Variants in TENM2 observed in about 807,000 individuals in gnomAD.
The protein encoded by TENM2 is teneurin transmembrane protein 2, also known as teneurin-2.
TENM2 carries 52 observed loss-of-function variants against 245.2 expected under a neutral mutation model. The ratio of observed to expected loss-of-function variants is 0.21; its 90% CI spans 0.17 to 0.27. The LOEUF (loss-of-function observed/expected upper bound fraction) is 0.27. Ranked by LOEUF, TENM2 falls within the 10% of genes least tolerant of loss-of-function variation. The pLI, the probability that TENM2 is intolerant of heterozygous loss-of-function variation, is 1.00. For synonymous variants in TENM2, 1,363 were observed against 1,438.9 expected, an observed-to-expected ratio of 0.95 and a Z score of 1.19; for missense variants, 3,046 against 3,666.8, an observed-to-expected ratio of 0.83 and a Z score of 4.37.
intron 1 of TENM2, among the ~76,000 whole-genome samples, chr5:167,348,229 C>T (rs1290003173): frequency 2.0e-5 from 3 of 152,156 alleles, no homozygotes; most frequent in African/African-American, 7.2e-5. Context: ...TAATACATAA[C>T]GAATTGCAGC....
At chr5:167,021,689 A>T in the TENM2 span, among the ~76,000 whole-genome samples, 3 of 152,184 alleles carry the variant, frequency 2.0e-5, no homozygotes, top group Non-Finnish European at 4.4e-5. Flanking sequence ...AAACTGATGG[A>T]TGTTGCCTAG....
At chr5:167,388,968 G>A (rs1249537123) in intron 2 of TENM2, among the ~76,000 whole-genome samples, 3 of 151,736 alleles carry the variant, frequency 2.0e-5, no homozygotes. Context: ...TATTTATCAG[G>A]TCCTATAGAA....
chr5:167,959,574 C>T (rs1223084858), intron 4 of TENM2, among the ~76,000 whole-genome samples: 2 of 152,180 alleles, frequency 1.3e-5, no homozygotes, highest in African/African-American at 4.8e-5. Context: ...CTTCTCTAAA[C>T]TGGTTATTCT....
At chr5:167,458,636 A>T (rs1266825796) in intron 2 of TENM2, among the ~76,000 whole-genome samples, 1 of 152,216 alleles carries the variant, frequency 6.6e-6, no homozygotes, top group African/African-American at 2.4e-5. Context: ...TCTCAACAGA[A>T]TTTTATTAGT....
At chr5:168,024,809 G>C (rs368899458) in intron 5 of TENM2, among the ~76,000 whole-genome samples, 1 of 152,168 alleles carries the variant, frequency 6.6e-6, no homozygotes, top group African/African-American at 2.4e-5. Flanking sequence ...AGGGTTTTAC[G>C]TGCGGATTTG....
chr5:167,692,025 C>G (rs922076761), intron 2 of TENM2, among the ~76,000 whole-genome samples: 1 of 152,254 alleles, frequency 6.6e-6, no homozygotes, highest in Admixed American at 6.5e-5. Flanking sequence ...TGCTACCAAA[C>G]CCTCTGCCTT....
chr5:168,219,077 CT>C, intron 23 of TENM2, 78 bp downstream of exon 25: 1 of 1,406,940 alleles, frequency 7.1e-7, no homozygotes, highest in Non-Finnish European at 9.7e-7. Context: ...GCTTGTGTAG[CT>C]TTTTAAATTG....
At chr5:167,812,497 G>A (rs550875356) in intron 2 of TENM2, among the ~76,000 whole-genome samples, 1 of 152,290 alleles carries the variant, frequency 6.6e-6, no homozygotes, top group Non-Finnish European at 1.5e-5. Context: ...GAAGAATGAA[G>A]CTTTTTATTT....
At chr5:167,661,214 A>C (rs1755187537) in intron 2 of TENM2, among the ~76,000 whole-genome samples, 1 of 152,190 alleles carries the variant, frequency 6.6e-6, no homozygotes, top group Admixed American at 6.5e-5. Context: ...TGAAAGCATT[A>C]ATTCCAGCCT....
At chr5:167,933,345 T>G (rs1392716971) in intron 3 of TENM2, among the ~76,000 whole-genome samples, 1 of 152,134 alleles carries the variant, frequency 6.6e-6, no homozygotes, top group East Asian at 1.9e-4. Flanking sequence ...GTGTGTGATG[T>G]TGTGAGCAGC....
intron 4 of TENM2, among the ~76,000 whole-genome samples, chr5:167,958,051 C>A (rs1780698789): frequency 6.6e-6 from 1 of 152,146 alleles, no homozygotes; most frequent in African/African-American, 2.4e-5. Context: ...GATTGTTGAT[C>A]TGTCTAATAT....
At chr5:167,974,734 A>G (rs1370606932) in intron 4 of TENM2, among the ~76,000 whole-genome samples, 3 of 152,194 alleles carry the variant, frequency 2.0e-5, no homozygotes, top group Non-Finnish European at 4.4e-5. Context: ...CTCTGACCCC[A>G]CCTGCTGCCG....
chr5:167,376,439 G>A (rs1760756812), intron 2 of TENM2, among the ~76,000 whole-genome samples: 1 of 152,142 alleles, frequency 6.6e-6, no homozygotes. Context: ...GCAGCTTTAA[G>A]TATTTCCTTT....
chr5:167,735,203 A>G (rs1220444118), intron 2 of TENM2, among the ~76,000 whole-genome samples: 2 of 152,238 alleles, frequency 1.3e-5, no homozygotes, highest in African/African-American at 4.8e-5. Context: ...CGTATTTGCT[A>G]TAACAAATCA....
intron 5 of TENM2, among the ~76,000 whole-genome samples, chr5:168,000,879 T>A (rs1009332000): frequency 1.3e-5 from 2 of 152,172 alleles, no homozygotes; most frequent in South Asian, 2.1e-4. Context: ...TGGTGGTACC[T>A]GGCACACAAT....
chr5:167,145,919 A>G, the TENM2 span, among the ~76,000 whole-genome samples: 1 of 152,132 alleles, frequency 6.6e-6, no homozygotes, highest in Non-Finnish European at 1.5e-5. Context: ...TGATGATGTC[A>G]TTATTCACAT....
chr5:168,190,292 A>C (rs1203800175), intron 13 of TENM2, 45 bp from the exon 16 acceptor site: 2 of 1,506,574 alleles, frequency 1.3e-6, no homozygotes, highest in African/African-American at 2.7e-5. Flanking sequence ...AAACAGCTTT[A>C]TGCCATGAAA....
At chr5:167,246,823 G>A in the TENM2 span, among the ~76,000 whole-genome samples, 1 of 151,876 alleles carries the variant, frequency 6.6e-6, no homozygotes, top group Non-Finnish European at 1.5e-5. Context: ...GGTAGGAATG[G>A]CCAATTGTGG....
chr5:167,431,974 T>TATATACACAC (rs1207757851), intron 2 of TENM2, among the ~76,000 whole-genome samples: 5 of 143,258 alleles, frequency 3.5e-5, no homozygotes, highest in Admixed American at 1.4e-4. Context: ...TATATATATA[T>TATATACACAC]ATATGGAAGT....
Sources: allele counts gnomAD v4.1 joint callset (sites outside exome capture counted in the v4.1 genomes callset), GRCh38; gene constraint gnomAD v4.1.1; transcripts MANE v1.5; gene names NCBI Gene and HGNC (gene_info 2026-07-23, HGNC 2026-07-21).